The following DNMBP variants were observed in gnomAD, a reference collection of about 807,000 sequenced individuals.
DNMBP encodes the protein dynamin-binding protein.
In DNMBP, 87 loss-of-function variants were observed where a neutral mutation model predicts 150.0. The ratio of observed to expected loss-of-function variants is 0.58; its 90% CI spans 0.49 to 0.69. The LOEUF is 0.69. DNMBP is among the 30% of genes least tolerant of loss of function. DNMBP has a pLI of 0.00. For synonymous variants in DNMBP, 711 were observed against 750.4 expected, an observed-to-expected ratio of 0.95 and a Z score of 0.86; for missense variants, 1,774 against 1,949.0, an observed-to-expected ratio of 0.91 and a Z score of 1.69.
chr10:99,896,425 C>T (rs2039655676), intron 9 of DNMBP, 28 bp from the exon 10 acceptor site: 3 of 1,613,336 alleles, frequency 1.9e-6, no homozygotes, highest in Non-Finnish European at 2.5e-6. Flanking sequence ...AAAGCACTTT[C>T]CTCAGCATGG....
intron 6 of DNMBP, among the ~76,000 whole-genome samples, chr10:99,900,640 A>AT (rs1223146869): frequency 2.0e-5 from 3 of 149,440 alleles, no homozygotes; most frequent in Admixed American, 6.7e-5. Flanking sequence ...TCAGTTTCTT[A>AT]TTTTTTTTTC....
At chr10:99,902,186 T>C (rs112988992) in intron 6 of DNMBP, among the ~76,000 whole-genome samples, 14 of 151,760 alleles carry the variant, frequency 9.2e-5, no homozygotes, top group East Asian at 1.9e-4. Context: ...TCACCATGCC[T>C]GGCCTAAAAA....
chr10:99,920,071 A>G (rs950464022), intron 4 of DNMBP, among the ~76,000 whole-genome samples: 1 of 151,468 alleles, frequency 6.6e-6, no homozygotes, highest in Non-Finnish European at 1.5e-5. Context: ...AAGGATTACT[A>G]TATTTCCATT....
chr10:99,877,851 G>A (rs1377209832), intron 16 of DNMBP, among the ~76,000 whole-genome samples: 3 of 152,184 alleles, frequency 2.0e-5, no homozygotes, highest in Admixed American at 6.5e-5. Flanking sequence ...GGGCGACAGA[G>A]TGAGACTCTG....
Position 99,899,934 on chromosome 10 carries a change from G to A in DNMBP, c.2687C>T (p.Ser896Phe), listed in dbSNP as rs751401856. ...DEKIQKHLQD[S>F]LADLKSLYNE... ...AAACTCCTACTTCAGATCTGCCAAGGAGTCCTGAAGATGCTTCTGGATCTT... is the reference window on the plus strand; with the variant it reads ...AAACTCCTACTTCAGATCTGCCAAGAAGTCCTGAAGATGCTTCTGGATCTT... Residue 896 changes from serine to phenylalanine, a missense_variant, in exon 7 of 17, where the codon TCC becomes TTC. Coordinates refer to ENST00000324109, the MANE Select transcript of DNMBP (RefSeq NM_015221.4). 12 of 1,613,986 alleles carry A rather than the reference G, an allele frequency of 7.4e-6. No homozygotes were observed. The highest frequency in any genetic ancestry group is 8.5e-6 in the Non-Finnish European group (10 of 1,180,028).
chr10:99,964,127 TTCTC>T (rs1057091814), intron 3 of DNMBP, among the ~76,000 whole-genome samples: 27 of 149,672 alleles, frequency 1.8e-4, no homozygotes, highest in East Asian at 7.8e-4. Flanking sequence ...CCTTGTCCTA[TTCTC>T]TCTCTTTTTT....
intron 4 of DNMBP, among the ~76,000 whole-genome samples, chr10:99,922,276 C>G (rs904865766): frequency 1.3e-5 from 2 of 152,092 alleles, no homozygotes; most frequent in African/African-American, 4.8e-5. Flanking sequence ...ATTCACTCCC[C>G]CTTCCCACTG....
At chr10:99,940,662 T>G (rs2040286386) in intron 4 of DNMBP, among the ~76,000 whole-genome samples, 1 of 152,222 alleles carries the variant, frequency 6.6e-6, no homozygotes, top group African/African-American at 2.4e-5. Context: ...TACCCTATTT[T>G]TTTGCTTTCT....
chr10:99,953,149 T>A (rs1242652422), intron 4 of DNMBP, among the ~76,000 whole-genome samples: 1 of 152,228 alleles, frequency 6.6e-6, no homozygotes, highest in Non-Finnish European at 1.5e-5. Context: ...TTAAGGGAAA[T>A]AATTTGAATT....
intron 4 of DNMBP, among the ~76,000 whole-genome samples, chr10:99,914,366 GC>G (rs1176302600): frequency 6.6e-6 from 1 of 152,162 alleles, no homozygotes; most frequent in African/African-American, 2.4e-5. Flanking sequence ...AATGGGGAAT[GC>G]CCTTTTGAGG....
intron 4 of DNMBP, chr10:99,914,074 C>A: frequency 7.0e-7 from 1 of 1,426,922 alleles, no homozygotes; most frequent in Non-Finnish European, 9.2e-7. Flanking sequence ...ATAGGGTCGG[C>A]ATTTCCCCCA....
At chr10:99,921,210 T>C (rs941647163) in intron 4 of DNMBP, among the ~76,000 whole-genome samples, 1 of 152,214 alleles carries the variant, frequency 6.6e-6, no homozygotes, top group Non-Finnish European at 1.5e-5. Context: ...AGGACAAGCC[T>C]AGCTTGTCTC....
intron 3 of DNMBP, among the ~76,000 whole-genome samples, chr10:99,966,594 A>C (rs1179165476): frequency 2.0e-5 from 3 of 152,208 alleles, no homozygotes; most frequent in African/African-American, 7.2e-5. Flanking sequence ...TATGGACTAC[A>C]GACTCCACTG....
rs761280830 is a variant in DNMBP, at chr10:99,884,138, G to A, written c.3870C>T (p.Phe1290=). ...LLARYPPEKL[F]QAERNFNAAQ... is the part of the protein sequence containing the mutation. ...CAGCATTGAAGTTCCGTTCTGCCTG[G>A]AAGAGTTTTTCAGGGGGATACCTGG... Residue 1290 remains phenylalanine, a synonymous_variant, in exon 15 of 17, where the codon TTC becomes TTT. Coordinates refer to ENST00000324109, the MANE Select transcript of DNMBP (RefSeq NM_015221.4). The A allele has an allele frequency of 2.5e-6, 4 of 1,614,146 alleles. No homozygotes were observed. The South Asian group carries it at 4.4e-5, about 18-fold the overall frequency.
intron 4 of DNMBP, among the ~76,000 whole-genome samples, chr10:99,953,289 A>G (rs964992371): frequency 5.9e-5 from 9 of 151,830 alleles, no homozygotes; most frequent in African/African-American, 2.2e-4. Context: ...TTTAAGAGAC[A>G]GGTCTCTCTA....
rs1012358400 is a variant in DNMBP at position 99,899,818 on chromosome 10, A to T, written c.2702+101T>A. 4 of 1,275,082 alleles carry T rather than the reference A, an allele frequency of 3.1e-6. No homozygotes were observed. In the East Asian group the frequency reaches 9.3e-5, roughly 30 times the overall value. 79.0% of individuals were successfully genotyped at this position (1,275,082 alleles called of 1,614,324 possible). A position where few individuals can be genotyped will look rare whatever the true frequency, so the allele number is the denominator to read the frequency against. Reference sequence around the variant, plus strand: ...AAATGATATATATCATGGATATCTTATGTTTAAAATAAGATGTCATCATCA... The same window carrying T: ...AAATGATATATATCATGGATATCTTTTGTTTAAAATAAGATGTCATCATCA... On this transcript the variant is annotated intron_variant, in intron 7 of 16. Coordinates refer to ENST00000324109, the MANE Select transcript of DNMBP (RefSeq NM_015221.4).
At chr10:99,970,757 C>T (rs182490114) in intron 2 of DNMBP, among the ~76,000 whole-genome samples, 18 of 151,570 alleles carry the variant, frequency 1.2e-4, no homozygotes, top group East Asian at 1.9e-4. Context: ...CGGATCATGA[C>T]GTCAGGAGAT....
chr10:99,929,379 GA>G (rs2040119767), intron 4 of DNMBP, among the ~76,000 whole-genome samples: 1 of 152,128 alleles, frequency 6.6e-6, no homozygotes, highest in African/African-American at 2.4e-5. Flanking sequence ...AAGTTCCCAT[GA>G]GAGCGCTATC....
At chr10:99,991,702 C>G (rs1053201414) in intron 1 of DNMBP, among the ~76,000 whole-genome samples, 6 of 151,500 alleles carry the variant, frequency 4.0e-5, no homozygotes, top group South Asian at 2.1e-4. Flanking sequence ...GTCAGGAGAT[C>G]GAGACCATCC....
Sources: allele counts gnomAD v4.1 joint callset (sites outside exome capture counted in the v4.1 genomes callset), GRCh38; gene constraint gnomAD v4.1.1; transcripts MANE v1.5; gene names NCBI Gene and HGNC (gene_info 2026-07-23, HGNC 2026-07-21).